The following ZNF487 variants were observed in gnomAD, a reference collection of about 807,000 sequenced individuals.
ZNF487 encodes KRAB domain only 1.
A neutral mutation model predicts 3.0 loss-of-function variants in ZNF487; 4 were observed. The observed-to-expected ratio is 1.35, with a 90% CI of 0.66 to 3.08. The LOEUF (loss-of-function observed/expected upper bound fraction) is 3.08. ZNF487 is among the 30% of genes most tolerant of loss of function. The pLI is 0.01. For synonymous variants in ZNF487, 55 were observed against 34.6 expected (o/e 1.59, Z -2.06); for missense variants, 146 against 98.7 (o/e 1.48, Z -2.03).
At position 43,469,077 on chromosome 10, in the gene ZNF487, G is replaced by C. The variant is rs556174633; in HGVS notation, c.-93-6644G>C. Among the ~76,000 whole-genome samples the C allele has an allele frequency of 2.7e-5, 4 of 150,576 alleles. No individual in the cohort carries two copies. The East Asian group carries it at 7.8e-4, about 29-fold the overall frequency. On this transcript the variant is annotated intron_variant, in intron 1 of 3. Transcript: ENST00000437590. ...AATTGTCCTTTTATTTTAAGAAATT[G>C]CACAGCCATCCCAGCCTTCAGCAAA...
At chr10:43,501,213 G>GA in the ZNF487 span, among the ~76,000 whole-genome samples, 3 of 151,780 alleles carry the variant, frequency 2.0e-5, no homozygotes, top group South Asian at 2.1e-4. Context: ...TATAAAAGAT[G>GA]AAAAAAAATG....
chr10:43,514,618 C>T, the ZNF487 span, among the ~76,000 whole-genome samples: 1 of 152,200 alleles, frequency 6.6e-6, no homozygotes, highest in African/African-American at 2.4e-5. Context: ...CACTTTGCCT[C>T]TGCTGTCCAT....
downstream of ZNF487, among the ~76,000 whole-genome samples, chr10:43,487,574 G>C (rs1388367850): frequency 6.6e-6 from 1 of 150,424 alleles, no homozygotes; most frequent in Non-Finnish European, 1.5e-5. Flanking sequence ...CTCAGCCTTC[G>C]GAGTAGCTGG....
At chr10:43,493,414 A>T in the ZNF487 span, among the ~76,000 whole-genome samples, 2 of 150,246 alleles carry the variant, frequency 1.3e-5, no homozygotes, top group South Asian at 4.3e-4. Flanking sequence ...ATGGCTAACA[A>T]CCTGGCGTGA....
chr10:43,495,115 T>A, the ZNF487 span, among the ~76,000 whole-genome samples: 3 of 152,112 alleles, frequency 2.0e-5, no homozygotes, highest in Non-Finnish European at 4.4e-5. Context: ...CTTCTGCATC[T>A]GTATCTTAAT....
intron 3 of ZNF487, among the ~76,000 whole-genome samples, chr10:43,476,417 A>G (rs1192888170): frequency 6.6e-6 from 1 of 152,188 alleles, no homozygotes; most frequent in African/African-American, 2.4e-5. Flanking sequence ...GTTTTTTTCC[A>G]AAACTTAATC....
chr10:43,512,653 C>T, the ZNF487 span, among the ~76,000 whole-genome samples: 1 of 152,216 alleles, frequency 6.6e-6, no homozygotes, highest in African/African-American at 2.4e-5. Context: ...CTGTCTGTCA[C>T]TGACACCTCC....
chr10:43,450,152 T>A (rs1400534740), intron 1 of ZNF487, among the ~76,000 whole-genome samples: 1 of 152,228 alleles, frequency 6.6e-6, no homozygotes, highest in Non-Finnish European at 1.5e-5. Context: ...CAAGTGATTC[T>A]CCTGCATCAG....
chr10:43,481,344 GA>G (rs1408503927), intron 3 of ZNF487, 84 bp from the exon 4 acceptor site: 16 of 579,630 alleles, frequency 2.8e-5, no homozygotes, highest in Admixed American at 3.3e-5. Context: ...AAAAAAAAAA[GA>G]AAAAAAAAGC....
intron 1 of ZNF487, among the ~76,000 whole-genome samples, chr10:43,455,368 T>C (rs576902319): frequency 5.3e-4 from 81 of 152,338 alleles, no homozygotes; most frequent in African/African-American, 1.6e-3. Flanking sequence ...TCTCAAATTT[T>C]GAGAAGCGAG....
At chr10:43,490,076 T>C in the ZNF487 span, among the ~76,000 whole-genome samples, 1 of 152,124 alleles carries the variant, frequency 6.6e-6, no homozygotes, top group South Asian at 2.1e-4. Context: ...GAGGCCGGCG[T>C]GGTGGCTCAT....
intron 1 of ZNF487, among the ~76,000 whole-genome samples, chr10:43,472,798 T>A (rs1840949359): frequency 6.6e-6 from 1 of 152,110 alleles, no homozygotes; most frequent in African/African-American, 2.4e-5. Flanking sequence ...GTATGTTTCC[T>A]AGGGAGCCTT....
At chr10:43,456,210 G>A (rs553522702) in intron 1 of ZNF487, among the ~76,000 whole-genome samples, 37 of 152,260 alleles carry the variant, frequency 2.4e-4, no homozygotes, top group Admixed American at 8.5e-4. Flanking sequence ...ACAAGACTTG[G>A]GGCCCTGATG....
chr10:43,498,089 ATATATATATATTTTTTTTTTTTTTC>A, the ZNF487 span, among the ~76,000 whole-genome samples: 6 of 14,618 alleles, frequency 4.1e-4, no homozygotes, highest in Middle Eastern at 0.031. Context: ...ATATATATAT[ATATATATATATTTTTTTTTTTTTTC>A]TTTTTTTTTT....
At chr10:43,463,574 T>G (rs3006362) in intron 1 of ZNF487, among the ~76,000 whole-genome samples, 134,544 of 150,692 alleles carry the variant, frequency 0.89, 60,126 homozygotes, top group East Asian at 1. Flanking sequence ...TGGTGGAAAC[T>G]TGGTCTCACT....
intron 1 of ZNF487, among the ~76,000 whole-genome samples, chr10:43,459,982 T>C (rs12254798): frequency 0.068 from 10,340 of 151,608 alleles, 485 homozygotes; most frequent in East Asian, 0.2. Flanking sequence ...TTTGTATTTT[T>C]AGTTAGAGAC....
At chr10:43,465,031 CTGGCCGGGCGG>C (rs1840621194) in intron 1 of ZNF487, among the ~76,000 whole-genome samples, 1 of 131,782 alleles carries the variant, frequency 7.6e-6, no homozygotes. Flanking sequence ...GACGGGGCGG[CTGGCCGGGCGG>C]GGGGCTGACC....
At chr10:43,445,154 AT>A (rs1277374679) in intron 1 of ZNF487, among the ~76,000 whole-genome samples, 484 of 144,066 alleles carry the variant, frequency 3.4e-3, no homozygotes, top group Non-Finnish European at 4.9e-3. Context: ...CATTTTCAGA[AT>A]TTTTTTTTTT....
chr10:43,469,317 C>T (rs551609382), intron 1 of ZNF487, among the ~76,000 whole-genome samples: 302 of 152,046 alleles, frequency 2.0e-3, no homozygotes, highest in Non-Finnish European at 3.7e-3. Flanking sequence ...CTGCCTCAGC[C>T]TCCTGAGCAC....
Sources: gnomAD v4.1 joint callset for allele counts (sites outside exome capture counted in the v4.1 genomes callset) on GRCh38, gnomAD v4.1.1 for gene constraint, MANE v1.5 for transcripts, NCBI Gene and HGNC (gene_info 2026-07-23, HGNC 2026-07-21) for gene names.